The following PDLIM1 variants were observed in gnomAD, a reference collection of about 807,000 sequenced individuals.
PDLIM1 encodes the protein PDZ and LIM domain protein 1.
Under a neutral mutation model 35.2 loss-of-function variants are expected in PDLIM1, and 25 were observed. The observed-to-expected ratio is 0.71, with a 90% CI of 0.52 to 0.99. The LOEUF (loss-of-function observed/expected upper bound fraction) is 0.99. PDLIM1 is among the 50% of genes least tolerant of loss of function. The probability of loss-of-function intolerance (pLI) is 0.00; values close to 1 mark genes in which losing one functional copy is unlikely to be tolerated. For missense variants in PDLIM1, 363 were observed against 415.3 expected, an observed-to-expected ratio of 0.87 and a Z score of 1.09; for synonymous variants, 152 against 154.0, an observed-to-expected ratio of 0.99 and a Z score of 0.10.
intron 1 of PDLIM1, among the ~76,000 whole-genome samples, chr10:95,279,903 A>T (rs571145155): frequency 2.6e-5 from 4 of 152,328 alleles, no homozygotes; most frequent in Admixed American, 2.0e-4. Context: ...ATTATTTACC[A>T]GGCAACTTCC....
At chr10:95,263,378 T>C (rs1209780700) in intron 4 of PDLIM1, among the ~76,000 whole-genome samples, 2 of 152,102 alleles carry the variant, frequency 1.3e-5, no homozygotes, top group East Asian at 1.9e-4. Context: ...TGGTCCACTC[T>C]AGGGAAAAAG....
chr10:95,255,728 G>C (rs1206659923), intron 4 of PDLIM1, among the ~76,000 whole-genome samples: 6 of 152,162 alleles, frequency 3.9e-5, no homozygotes, highest in African/African-American at 1.4e-4. Flanking sequence ...AGCAAGGCAA[G>C]AATGCCAACT....
intron 1 of PDLIM1, among the ~76,000 whole-genome samples, chr10:95,287,477 C>T (rs1261508253): frequency 1.3e-5 from 2 of 152,134 alleles, no homozygotes; most frequent in Admixed American, 6.6e-5. Flanking sequence ...CCCAGGACTC[C>T]AGAGACAAAT....
chr10:95,285,166 T>C (rs535056591), intron 1 of PDLIM1, among the ~76,000 whole-genome samples: 2 of 152,198 alleles, frequency 1.3e-5, no homozygotes, highest in East Asian at 1.9e-4. Flanking sequence ...CAAGTGGGCA[T>C]GGAACCTCAT....
intron 4 of PDLIM1, among the ~76,000 whole-genome samples, chr10:95,261,536 G>A (rs995864474): frequency 6.6e-6 from 1 of 152,286 alleles, no homozygotes; most frequent in African/African-American, 2.4e-5. Context: ...TCGCCTGGAA[G>A]AGAATCATCA....
At chr10:95,254,257 A>G (rs570005768) in intron 4 of PDLIM1, among the ~76,000 whole-genome samples, 105 of 152,360 alleles carry the variant, frequency 6.9e-4, no homozygotes, top group African/African-American at 2.5e-3. Flanking sequence ...CATTTCCAAT[A>G]TTAATGTATA....
intron 2 of PDLIM1, among the ~76,000 whole-genome samples, chr10:95,269,359 G>A (rs537028864): frequency 6.6e-6 from 1 of 152,058 alleles, no homozygotes; most frequent in East Asian, 1.9e-4. Context: ...ATCACTTGAG[G>A]TCTGGAGTTT....
intron 1 of PDLIM1, among the ~76,000 whole-genome samples, chr10:95,281,970 A>T (rs1398747687): frequency 6.6e-6 from 1 of 152,156 alleles, no homozygotes; most frequent in Non-Finnish European, 1.5e-5. Context: ...TAAATCTTAT[A>T]TGTGTTCTTG....
intron 4 of PDLIM1, among the ~76,000 whole-genome samples, chr10:95,262,096 A>G (rs1024955975): frequency 3.9e-5 from 6 of 152,064 alleles, no homozygotes; most frequent in East Asian, 1.9e-4. Context: ...TGGGTGTCCA[A>G]TGACATCTGT....
intron 1 of PDLIM1, among the ~76,000 whole-genome samples, chr10:95,272,760 T>G (rs2133433839): frequency 6.6e-6 from 1 of 152,300 alleles, no homozygotes; most frequent in African/African-American, 2.4e-5. Context: ...TTATACTGGT[T>G]TAATCTCCCA....
chr10:95,260,015 G>A (rs1015383659), intron 4 of PDLIM1, among the ~76,000 whole-genome samples: 1 of 152,220 alleles, frequency 6.6e-6, no homozygotes, highest in African/African-American at 2.4e-5. Context: ...TTGTCTATGT[G>A]CTTCCACACT....
chr10:95,242,849 C>T (rs994347818), intron 5 of PDLIM1, among the ~76,000 whole-genome samples: 14 of 152,180 alleles, frequency 9.2e-5, no homozygotes, highest in African/African-American at 3.4e-4. Context: ...AGCCATCTGG[C>T]TGCCTGCCCA....
intron 4 of PDLIM1, among the ~76,000 whole-genome samples, chr10:95,254,051 C>T (rs920757949): frequency 6.6e-5 from 10 of 151,946 alleles, no homozygotes; most frequent in Non-Finnish European, 1.0e-4. Context: ...AAATAACCCA[C>T]AGGAAAGCAG....
chr10:95,253,363 A>G (rs555890523), intron 4 of PDLIM1, among the ~76,000 whole-genome samples: 2 of 152,208 alleles, frequency 1.3e-5, no homozygotes, highest in Non-Finnish European at 2.9e-5. Flanking sequence ...AGCTACCCTA[A>G]CAATGTTTAA....
At chr10:95,279,719 C>T (rs2035544101) in intron 1 of PDLIM1, among the ~76,000 whole-genome samples, 1 of 152,178 alleles carries the variant, frequency 6.6e-6, no homozygotes, top group South Asian at 2.1e-4. Flanking sequence ...AATTTGCCTT[C>T]TGTAAAATTA....
rs966693030 is a variant in PDLIM1, at chr10:95,264,594, A to G, written c.334-531T>C. Among the ~76,000 whole-genome samples, 5 of 152,340 alleles carry G rather than the reference A, an allele frequency of 3.3e-5. No homozygotes were observed. In the East Asian group the frequency reaches 7.7e-4, roughly 24 times the overall value. On this transcript the variant is annotated intron_variant, in intron 3 of 6. Coordinates refer to ENST00000329399, the MANE Select transcript of PDLIM1 (RefSeq NM_020992.4). ...CTGCTGACTAGGCAGAGATGGTCTC[A>G]GTCTCCTGCAGAGCAAGGGTAAAGG... is the stretch of plus-strand genomic sequence containing the variant.
chr10:95,280,161 A>G (rs955503960), intron 1 of PDLIM1, among the ~76,000 whole-genome samples: 1 of 152,202 alleles, frequency 6.6e-6, no homozygotes, highest in African/African-American at 2.4e-5. Context: ...GGATCACTAG[A>G]GGTCAGGAGT....
intron 3 of PDLIM1, 118 bp downstream of exon 3, chr10:95,268,660 A>C: frequency 1.4e-6 from 1 of 727,350 alleles, no homozygotes; most frequent in South Asian, 1.5e-5. Context: ...CAGCAGAGAC[A>C]GTGAAGGGTC....
At chr10:95,265,675 G>A (rs975321599) in intron 3 of PDLIM1, among the ~76,000 whole-genome samples, 1 of 151,428 alleles carries the variant, frequency 6.6e-6, no homozygotes, top group African/African-American at 2.4e-5. Flanking sequence ...AACACTTTGG[G>A]AGTCCAAATC....
Sources: allele counts gnomAD v4.1 joint callset (sites outside exome capture counted in the v4.1 genomes callset), GRCh38; gene constraint gnomAD v4.1.1; transcripts MANE v1.5; gene names NCBI Gene and HGNC (gene_info 2026-07-23, HGNC 2026-07-21).